The following DMD variants were observed in gnomAD, a reference collection of about 807,000 sequenced individuals.
DMD encodes dystrophin, also known as mutant dystrophin.
In DMD, 63 loss-of-function variants were observed where a neutral mutation model predicts 330.1. The ratio of observed to expected loss-of-function variants is 0.19; its 90% CI spans 0.16 to 0.24. The LOEUF is 0.24. DMD is among the 10% of genes least tolerant of loss of function. The pLI, the probability that DMD is intolerant of heterozygous loss-of-function variation, is 1.00. For missense variants in DMD, 3,344 were observed against 2,684.1 expected (o/e 1.25, Z -5.43); for synonymous variants, 1,223 against 959.8 (o/e 1.27, Z -5.07).
At chrX:32,514,011 G>A (rs911309149) in intron 18 of DMD, among the ~76,000 whole-genome samples, 20 of 111,543 alleles carry the variant, frequency 1.8e-4, no homozygotes, top group Non-Finnish European at 3.0e-4. Flanking sequence ...GGCACGTTAA[G>A]TATTCACATG....
intron 22 of DMD, among the ~76,000 whole-genome samples, chrX:32,469,273 A>C (rs1461134640): frequency 5.4e-5 from 6 of 110,683 alleles, no homozygotes; most frequent in Non-Finnish European, 9.5e-5. Context: ...TAACACATGT[A>C]ATTTCTTACA....
chrX:31,932,189 C>G lies in DMD; in HGVS notation c.6653G>C (p.Arg2218Thr), dbSNP rs1201657749. The G allele has an allele frequency of 8.4e-7, 1 of 1,189,143 alleles. No homozygotes were observed. The highest frequency in any genetic ancestry group is 2.2e-5 in the Admixed American group (1 of 45,937). ...CCATAAAACAAATTCATTTAAATCTCTTTGAAATTCTGACAAGATATTCTT... is the reference window on the plus strand; with the variant it reads ...CCATAAAACAAATTCATTTAAATCTGTTTGAAATTCTGACAAGATATTCTT... ...EQKNILSEFQ[R>T]DLNEFVLWLE... Residue 2218 changes from arginine to threonine, a missense_variant, in exon 46 of 79, where the codon AGA becomes ACA. Coordinates refer to ENST00000357033, the MANE Select transcript of DMD (RefSeq NM_004006.3).
chrX:33,250,085 TTA>T (rs560212408), intron 1 of DMD, among the ~76,000 whole-genome samples: 38,005 of 75,154 alleles, frequency 0.51, 8,125 homozygotes, highest in Middle Eastern at 0.67. Context: ...AAACTATTCA[TTA>T]TATATATATA....
intron 1 of DMD, among the ~76,000 whole-genome samples, chrX:33,299,198 T>C (rs2053627069): frequency 9.0e-6 from 1 of 111,478 alleles, no homozygotes; most frequent in Non-Finnish European, 1.9e-5. Context: ...TGTTACTCTA[T>C]AGTTGAAAAC....
At chrX:32,849,250 C>A (rs1186630044) in intron 3 of DMD, among the ~76,000 whole-genome samples, 1 of 111,605 alleles carries the variant, frequency 9.0e-6, no homozygotes, top group Admixed American at 9.5e-5. Context: ...AATCATGTAT[C>A]TTCACAGGAA....
At chrX:32,379,818 T>C (rs2097917778) in intron 34 of DMD, among the ~76,000 whole-genome samples, 2 of 111,041 alleles carry the variant, frequency 1.8e-5, no homozygotes, top group Non-Finnish European at 3.8e-5. Context: ...TGGGTGTAAA[T>C]GGCCTAACAC....
intron 64 of DMD, among the ~76,000 whole-genome samples, chrX:31,216,876 C>G (rs778177237): frequency 9.0e-6 from 1 of 111,683 alleles, no homozygotes; most frequent in Non-Finnish European, 1.9e-5. Flanking sequence ...CAGCCTGTAC[C>G]AAATCTCTAT....
intron 55 of DMD, among the ~76,000 whole-genome samples, chrX:31,525,432 G>C (rs754743346): frequency 1.3e-4 from 14 of 111,401 alleles, no homozygotes; most frequent in Non-Finnish European, 2.1e-4. Context: ...ACAATATTTT[G>C]TTTGTAGAAT....
At chrX:31,211,552 C>T (rs752315600) in intron 64 of DMD, among the ~76,000 whole-genome samples, 13 of 112,333 alleles carry the variant, frequency 1.2e-4, no homozygotes, top group Non-Finnish European at 1.9e-4. Flanking sequence ...GAAAATTTTT[C>T]GAATCACTTT....
chrX:32,469,602 T>C (rs1370447808), intron 22 of DMD, among the ~76,000 whole-genome samples: 1 of 111,404 alleles, frequency 9.0e-6, no homozygotes, highest in Non-Finnish European at 1.9e-5. Context: ...CTTTTTTAAG[T>C]TTATTTCACT....
At chrX:33,246,629 G>T (rs540068883) in intron 1 of DMD, among the ~76,000 whole-genome samples, 3 of 111,386 alleles carry the variant, frequency 2.7e-5, no homozygotes, top group African/African-American at 9.8e-5. Flanking sequence ...ATTCTCTCAG[G>T]CATTAAATGA....
chrX:32,310,819 C>T (rs930898592), intron 41 of DMD, among the ~76,000 whole-genome samples: 1 of 110,835 alleles, frequency 9.0e-6, no homozygotes, highest in East Asian at 2.9e-4. Flanking sequence ...TAGACATTAG[C>T]TCCTGTTTTT....
intron 74 of DMD, among the ~76,000 whole-genome samples, chrX:31,165,053 C>G (rs2039269155): frequency 9.0e-6 from 1 of 111,583 alleles, no homozygotes; most frequent in South Asian, 3.8e-4. Flanking sequence ...GCACAAAGAC[C>G]TAATGAAAGA....
intron 2 of DMD, among the ~76,000 whole-genome samples, chrX:32,945,926 C>T (rs1456468723): frequency 9.0e-6 from 1 of 111,020 alleles, no homozygotes; most frequent in Non-Finnish European, 1.9e-5. Context: ...AAGATTTGAA[C>T]GTCTGTATTC....
intron 2 of DMD, among the ~76,000 whole-genome samples, chrX:33,011,796 A>G (rs1237353211): frequency 1.8e-5 from 2 of 112,083 alleles, no homozygotes; most frequent in African/African-American, 6.5e-5. Flanking sequence ...ACTAATGTCC[A>G]TGTATGTTGT....
intron 76 of DMD, among the ~76,000 whole-genome samples, 179 bp from the exon 77 acceptor site, chrX:31,134,373 C>T (rs1431560373): frequency 5.5e-5 from 6 of 108,467 alleles, no homozygotes; most frequent in Admixed American, 4.9e-4. Context: ...GAAATCCATA[C>T]AGTAGTTTAT....
chrX:31,765,209 T>C (rs912011431), intron 51 of DMD, among the ~76,000 whole-genome samples: 1 of 111,918 alleles, frequency 8.9e-6, no homozygotes, highest in Non-Finnish European at 1.9e-5. Flanking sequence ...TAAACATAGC[T>C]TAATTTTCAT....
chrX:32,893,726 T>G (rs977459046), intron 2 of DMD, among the ~76,000 whole-genome samples: 1 of 111,620 alleles, frequency 9.0e-6, no homozygotes, highest in Non-Finnish European at 1.9e-5. Context: ...CCACTGAAAC[T>G]CATCTGTTTG....
intron 33 of DMD, among the ~76,000 whole-genome samples, chrX:32,386,085 T>A (rs2097955929): frequency 9.1e-6 from 1 of 110,431 alleles, no homozygotes; most frequent in African/African-American, 3.3e-5. Context: ...TATTGTTTCT[T>A]AATGAGAATT....
Sources: allele counts gnomAD v4.1 joint callset (sites outside exome capture counted in the v4.1 genomes callset), GRCh38; gene constraint gnomAD v4.1.1; transcripts MANE v1.5; gene names NCBI Gene and HGNC (gene_info 2026-07-23, HGNC 2026-07-21).